Variants in CHMP3 observed in about 807,000 individuals in gnomAD.
The protein encoded by CHMP3 is charged multivesicular body protein 3.
CHMP3 carries 8 observed loss-of-function variants against 27.4 expected under a neutral mutation model. The ratio of observed to expected loss-of-function variants is 0.29; its 90% CI spans 0.17 to 0.53. The LOEUF (loss-of-function observed/expected upper bound fraction) is 0.53. Among genes scored for constraint, CHMP3 ranks in the 20% least tolerant of loss-of-function variants. The pLI is 0.96. For missense variants in CHMP3, 208 were observed against 271.5 expected, an observed-to-expected ratio of 0.77 and a Z score of 1.64; for synonymous variants, 86 against 85.5, an observed-to-expected ratio of 1.01 and a Z score of -0.03.
Position 86,560,241 on chromosome 2 carries a change from G to A in CHMP3, c.45+3063C>T, listed in dbSNP as rs192843942. Among the ~76,000 whole-genome samples the A allele has an allele frequency of 3.0e-3, 451 of 151,758 alleles. 3 individuals are homozygous for A. Among genetic ancestry groups the A allele is most frequent in the Admixed American group, 6.5e-3 (99 of 15,258 alleles). ...GATCGCGCCACTGCACTGCCTGGGC[G>A]ACAGAGCGAGACTCCATCTCAAAAA... is the stretch of plus-strand genomic sequence containing the variant. On this transcript the variant is annotated intron_variant, in intron 1 of 5. Transcript: ENST00000263856.
intron 4 of CHMP3, among the ~76,000 whole-genome samples, chr2:86,509,152 T>C (rs1674996737): frequency 6.6e-6 from 1 of 152,170 alleles, no homozygotes; most frequent in Non-Finnish European, 1.5e-5. Flanking sequence ...TTACTCCCAG[T>C]ATTCAGAAAC....
chr2:86,528,819 AG>A (rs1161139069), intron 3 of CHMP3, among the ~76,000 whole-genome samples: 1 of 152,214 alleles, frequency 6.6e-6, no homozygotes, highest in African/African-American at 2.4e-5. Flanking sequence ...GAAGCAGAAA[AG>A]GAGGTGAACC....
chr2:86,508,536 TAGAAAA>T lies in CHMP3; in HGVS notation c.409-949_409-944del, dbSNP rs527553701. On this transcript the variant is annotated intron_variant, in intron 4 of 5. Transcript: ENST00000263856. The stretch of plus-strand genomic sequence containing the variant: ...TGGGTTCAGGTTTCTGAGAAGTTGC[TAGAAAA>T]AGAAAATCCTGGTTGTCTTGCCACC... Among the ~76,000 whole-genome samples, 554 of 152,274 alleles carry T rather than the reference TAGAAAA, an allele frequency of 3.6e-3. 13 individuals are homozygous for T. The South Asian group carries it at 0.071, about 20-fold the overall frequency.
rs542296646 is a variant in CHMP3, at chr2:86,510,295, C to T, written c.408+63G>A. The T allele has an allele frequency of 5.2e-6, 8 of 1,547,648 alleles. No homozygotes were observed. The South Asian group carries it at 8.9e-5, about 17-fold the overall frequency. On this transcript the variant is annotated intron_variant, in intron 4 of 5. Transcript: ENST00000263856. ...CCCCACCCACCCTCATCCCTAGCCC[C>T]CTGTTACTTGTTTAGAGTGACTCTG... is the stretch of plus-strand genomic sequence containing the variant.
At chr2:86,518,576 G>C (rs1675403720) in intron 3 of CHMP3, among the ~76,000 whole-genome samples, 1 of 152,270 alleles carries the variant, frequency 6.6e-6, no homozygotes, top group East Asian at 1.9e-4. Flanking sequence ...GTGGGCTGGA[G>C]TATCTCAACA....
At chr2:86,546,624 G>A (rs1198844427) in intron 1 of CHMP3, among the ~76,000 whole-genome samples, 1 of 151,878 alleles carries the variant, frequency 6.6e-6, no homozygotes, top group African/African-American at 2.4e-5. Context: ...TTTCAGTAGA[G>A]ACGGGATTTC....
chr2:86,557,524 C>A (rs994057208), intron 1 of CHMP3, among the ~76,000 whole-genome samples: 1 of 152,198 alleles, frequency 6.6e-6, no homozygotes, highest in African/African-American at 2.4e-5. Flanking sequence ...CCTCTACCTA[C>A]CTCTCCAATG....
At chr2:86,528,223 T>G (rs1264866447) in intron 3 of CHMP3, among the ~76,000 whole-genome samples, 1 of 152,232 alleles carries the variant, frequency 6.6e-6, no homozygotes, top group Non-Finnish European at 1.5e-5. Context: ...GGCACCATCC[T>G]ATAAATTAAA....
intron 1 of CHMP3, among the ~76,000 whole-genome samples, chr2:86,547,740 A>G (rs1415524521): frequency 6.6e-6 from 1 of 152,256 alleles, no homozygotes; most frequent in African/African-American, 2.4e-5. Flanking sequence ...AGATGTAAAG[A>G]AAATTTGACA....
Position 86,543,440 on chromosome 2 carries a change from C to T in CHMP3, c.46-1128G>A, listed in dbSNP as rs188021954. ...TTGTATACCTAAACAAAACCTATCACAAAAGATTCTGCAAAAACCACAGCC... is the reference window on the plus strand; with the variant it reads ...TTGTATACCTAAACAAAACCTATCATAAAAGATTCTGCAAAAACCACAGCC... On this transcript the variant is annotated intron_variant, in intron 1 of 5. Transcript: ENST00000263856. 2.0e-5 allele frequency among the ~76,000 whole-genome samples: 3 copies of T among 152,318 alleles called. No individual in the cohort carries two copies. In the East Asian group the frequency reaches 5.8e-4, roughly 29 times the overall value.
intron 1 of CHMP3, among the ~76,000 whole-genome samples, chr2:86,554,041 C>T (rs1478076041): frequency 6.6e-6 from 1 of 152,056 alleles, no homozygotes; most frequent in Non-Finnish European, 1.5e-5. Flanking sequence ...TTATTAGGTC[C>T]CTTAGGAATG....
intron 1 of CHMP3, among the ~76,000 whole-genome samples, chr2:86,550,746 A>G (rs1468866490): frequency 2.0e-5 from 3 of 152,214 alleles, no homozygotes; most frequent in African/African-American, 7.2e-5. Context: ...ATTTAAAAAA[A>G]CAAATGGTTG....
chr2:86,543,827 C>G (rs1266997393), intron 1 of CHMP3, among the ~76,000 whole-genome samples: 1 of 152,194 alleles, frequency 6.6e-6, no homozygotes, highest in African/African-American at 2.4e-5. Context: ...TTTTAAAAAT[C>G]TAATCAGGTT....
At chr2:86,520,361 C>G (rs541934736) in intron 3 of CHMP3, among the ~76,000 whole-genome samples, 1 of 152,226 alleles carries the variant, frequency 6.6e-6, no homozygotes, top group South Asian at 2.1e-4. Context: ...CACATCTCCA[C>G]TGGCCGGCAG....
rs1558667007 is a variant in CHMP3 at position 86,563,306 on chromosome 2, G to T, written c.43C>A (p.Leu15Met). 1 of 1,614,118 alleles carries T rather than the reference G, an allele frequency of 6.2e-7. No individual in the cohort carries two copies. Residue 15 changes from leucine to methionine, a missense_variant and splice_region_variant, in exon 1 of 6, where the codon CTG (leucine) becomes ATG (methionine). Physicochemically the swap from Leu to Met is conservative, Grantham distance 15. This residue lies in a region of CHMP3 where 52 missense variants were observed against 43.5 expected (regional missense o/e 1.19). Transcript: ENST00000263856. ...GKTQEKPPKELVNEWSLKIRK... is the reference protein window; with the variant it reads ...GKTQEKPPKEMVNEWSLKIRK... ...TCTGCCGCCGCCGTAGCCCTTACCAGTTCTTTGGGCGGCTTCTCCTGGGTC... is the reference window on the plus strand; with the variant it reads ...TCTGCCGCCGCCGTAGCCCTTACCATTTCTTTGGGCGGCTTCTCCTGGGTC...
chr2:86,527,768 C>G (rs1443937456), intron 3 of CHMP3, among the ~76,000 whole-genome samples: 1 of 152,062 alleles, frequency 6.6e-6, no homozygotes, highest in African/African-American at 2.4e-5. Context: ...TGAGACCAGC[C>G]TGGGTAACAT....
rs1160158656 is a variant in CHMP3 at position 86,503,978 on chromosome 2, G to A, written c.*1826C>T. On this transcript the variant is annotated 3_prime_UTR_variant, in exon 6 of 6. Transcript: ENST00000263856. ...ACAGGACCAGAAAAGTAACTATTGG[G>A]TACTAGGCTTAGTACCTGGGTCACT... 2 of 152,130 alleles carry A rather than the reference G, an allele frequency of 1.3e-5. No individual in the cohort carries two copies. The highest frequency in any genetic ancestry group is 6.6e-5 in the Admixed American group (1 of 15,266). 9.4% of individuals were successfully genotyped at this position (152,130 alleles called of 1,614,324 possible).
intron 2 of CHMP3, 25 bp downstream of exon 2, chr2:86,542,227 T>C (rs200801872): frequency 5.0e-6 from 8 of 1,610,890 alleles, no homozygotes; most frequent in Middle Eastern, 1.6e-4. Flanking sequence ...GGGTGAAAAA[T>C]AGAAGACATA....
In CHMP3 at chr2:86,504,072, T is replaced by C. The variant is rs1674797770; in HGVS notation, c.*1732A>G. ...ACATGTACCCCCTGAACCTAATTTT[T>C]TTTTTAAAGTGGTTGCCAGGGGATT... On this transcript the variant is annotated 3_prime_UTR_variant, in exon 6 of 6. Coordinates refer to ENST00000263856, the MANE Select transcript of CHMP3 (RefSeq NM_016079.4). 1 of 152,210 alleles carries C rather than the reference T, an allele frequency of 6.6e-6. No individual in the cohort carries two copies. Among genetic ancestry groups the C allele is most frequent in the African/African-American group, 2.4e-5 (1 of 41,444 alleles). 9.4% of individuals were successfully genotyped at this position (152,210 alleles called of 1,614,324 possible). A position where few individuals can be genotyped will look rare whatever the true frequency, so the allele number is the denominator to read the frequency against.
Sources: allele counts gnomAD v4.1 joint callset (sites outside exome capture counted in the v4.1 genomes callset), GRCh38; gene constraint gnomAD v4.1.1; regional missense constraint gnomAD v4.1.1; transcripts MANE v1.5; gene names NCBI Gene and HGNC (gene_info 2026-07-23, HGNC 2026-07-21).